The following ATXN1 variants were observed in gnomAD, a reference collection of about 807,000 sequenced individuals.
ATXN1 encodes the protein ataxin 1, also known as ataxin-1.
ATXN1 carries 8 observed loss-of-function variants against 56.4 expected under a neutral mutation model. The ratio of observed to expected loss-of-function variants is 0.14; its 90% CI spans 0.08 to 0.26. The LOEUF (loss-of-function observed/expected upper bound fraction) is 0.26. Among genes scored for constraint, ATXN1 ranks in the 10% least tolerant of loss-of-function variants. ATXN1 has a pLI of 1.00. For synonymous variants in ATXN1, 514 were observed against 494.6 expected, an observed-to-expected ratio of 1.04 and a Z score of -0.52; for missense variants, 987 against 1,106.5, an observed-to-expected ratio of 0.89 and a Z score of 1.53.
intron 6 of ATXN1, among the ~76,000 whole-genome samples, chr6:16,439,161 T>G (rs1759451323): frequency 6.6e-6 from 1 of 151,886 alleles, no homozygotes; most frequent in Non-Finnish European, 1.5e-5. Flanking sequence ...TGTTCCATGT[T>G]ATGAAGGGCC....
intron 4 of ATXN1, among the ~76,000 whole-genome samples, chr6:16,576,893 A>T (rs1351371628): frequency 6.6e-6 from 1 of 152,184 alleles, no homozygotes; most frequent in Non-Finnish European, 1.5e-5. Flanking sequence ...TTTTGCTTTT[A>T]TAGGAGATTG....
At chr6:16,613,160 G>A (rs1347085179) in intron 3 of ATXN1, among the ~76,000 whole-genome samples, 2 of 149,280 alleles carry the variant, frequency 1.3e-5, no homozygotes, top group Admixed American at 1.3e-4. Flanking sequence ...AGCCACTCGG[G>A]AGGCTGAGGC....
At chr6:16,496,285 C>T (rs780699490) in intron 5 of ATXN1, among the ~76,000 whole-genome samples, 3 of 152,202 alleles carry the variant, frequency 2.0e-5, no homozygotes, top group Non-Finnish European at 2.9e-5. Flanking sequence ...ACTGTGAATA[C>T]CATGTAGCAG....
At chr6:16,537,206 C>T (rs1229252553) in intron 4 of ATXN1, among the ~76,000 whole-genome samples, 1 of 152,012 alleles carries the variant, frequency 6.6e-6, no homozygotes, top group Non-Finnish European at 1.5e-5. Flanking sequence ...CCCTGAATTC[C>T]GATGCTTGAC....
chr6:16,363,342 C>G (rs1036761586), intron 6 of ATXN1, among the ~76,000 whole-genome samples: 1 of 152,178 alleles, frequency 6.6e-6, no homozygotes, highest in African/African-American at 2.4e-5. Context: ...CATGATGTGC[C>G]ATATGCTAAT....
intron 4 of ATXN1, among the ~76,000 whole-genome samples, chr6:16,559,858 A>T (rs1762083262): frequency 8.7e-6 from 1 of 115,246 alleles, no homozygotes; most frequent in Non-Finnish European, 1.9e-5. Flanking sequence ...TATGTTTAAT[A>T]AAAAAAAAAT....
In ATXN1 at chr6:16,310,010, T is replaced by C. The variant is rs551793068; in HGVS notation, c.1918-3151A>G. Among the ~76,000 whole-genome samples, 11 of 151,774 alleles carry C rather than the reference T, an allele frequency of 7.2e-5. No individual in the cohort carries two copies. The East Asian group carries it at 2.1e-3, about 30-fold the overall frequency. On this transcript the variant is annotated intron_variant, in intron 7 of 7. Transcript: ENST00000436367. ...GATCGTTGCAGTGAGCCAAGATCGT[T>C]GCAGTGAGCCAAGATCATTCCATCA...
chr6:16,600,677 C>T (rs188686235), intron 3 of ATXN1, among the ~76,000 whole-genome samples: 7 of 152,278 alleles, frequency 4.6e-5, no homozygotes, highest in African/African-American at 1.7e-4. Flanking sequence ...TATTTTATGT[C>T]TGTATAGTGT....
intron 6 of ATXN1, among the ~76,000 whole-genome samples, chr6:16,419,524 T>C (rs572263364): frequency 6.6e-6 from 1 of 152,266 alleles, no homozygotes; most frequent in East Asian, 1.9e-4. Flanking sequence ...GATACAACCA[T>C]GGAGTACTTT....
intron 6 of ATXN1, chr6:16,485,167 T>C (rs534703402): frequency 1.3e-5 from 2 of 152,292 alleles, no homozygotes; most frequent in East Asian, 3.9e-4. Flanking sequence ...CTGGGTTTCA[T>C]GTAGCTATTT....
chr6:16,319,133 G>A (rs953052357), intron 7 of ATXN1, among the ~76,000 whole-genome samples: 2 of 151,864 alleles, frequency 1.3e-5, no homozygotes, highest in African/African-American at 4.8e-5. Context: ...TGGGAGGATT[G>A]CTTGAGCCTA....
At chr6:16,674,016 G>C (rs966527490) in intron 2 of ATXN1, among the ~76,000 whole-genome samples, 1 of 152,052 alleles carries the variant, frequency 6.6e-6, no homozygotes, top group South Asian at 2.1e-4. Flanking sequence ...CTCTCCATCA[G>C]TTCCCTCCCA....
chr6:16,532,823 C>T (rs773879374), intron 4 of ATXN1, among the ~76,000 whole-genome samples: 12 of 152,060 alleles, frequency 7.9e-5, no homozygotes, highest in Non-Finnish European at 1.6e-4. Flanking sequence ...TGAAAAATAC[C>T]ATGATGGTTC....
intron 2 of ATXN1, among the ~76,000 whole-genome samples, chr6:16,730,487 G>GTATGTGTA (rs1554128995): frequency 0.011 from 1,494 of 132,062 alleles, 34 homozygotes; most frequent in Non-Finnish European, 0.018. Context: ...AAAACAGTAT[G>GTATGTGTA]TATATATATA....
intron 6 of ATXN1, among the ~76,000 whole-genome samples, chr6:16,455,985 C>T (rs1002086038): frequency 6.6e-6 from 1 of 152,164 alleles, no homozygotes; most frequent in Non-Finnish European, 1.5e-5. Flanking sequence ...AAAAATGGCA[C>T]TCTGATAGGA....
intron 3 of ATXN1, among the ~76,000 whole-genome samples, chr6:16,586,470 T>C (rs1665836126): frequency 6.6e-6 from 1 of 152,204 alleles, no homozygotes; most frequent in African/African-American, 2.4e-5. Flanking sequence ...TCACGAACAT[T>C]GATTAAACAT....
At chr6:16,612,659 C>G (rs115031085) in intron 3 of ATXN1, among the ~76,000 whole-genome samples, 4,643 of 151,980 alleles carry the variant, frequency 0.031, 83 homozygotes, top group South Asian at 0.077. Context: ...TTTGGGAGGT[C>G]GGGCAGGCAG....
At chr6:16,647,481 G>A (rs1763820324) in intron 3 of ATXN1, among the ~76,000 whole-genome samples, 1 of 152,112 alleles carries the variant, frequency 6.6e-6, no homozygotes, top group African/African-American at 2.4e-5. Context: ...ACTATTTATT[G>A]TGAACTACCT....
chr6:16,378,572 T>C lies in ATXN1; in HGVS notation c.-160-50102A>G, dbSNP rs184883140. Among the ~76,000 whole-genome samples, 15 of 147,848 alleles carry C rather than the reference T, an allele frequency of 1.0e-4. 1 individual carries two copies. Among genetic ancestry groups the C allele is most frequent in the African/African-American group, 3.8e-4 (15 of 39,664 alleles). ...TTATTTATTTATTTATTTATTTATTTATTTAGAGACAGGGTCTCACTCTGT... is the reference window on the plus strand; with the variant it reads ...TTATTTATTTATTTATTTATTTATTCATTTAGAGACAGGGTCTCACTCTGT... On this transcript the variant is annotated intron_variant, in intron 6 of 7. Transcript: ENST00000436367.
Sources: gnomAD v4.1 joint callset for allele counts (sites outside exome capture counted in the v4.1 genomes callset) on GRCh38, gnomAD v4.1.1 for gene constraint, MANE v1.5 for transcripts, NCBI Gene and HGNC (gene_info 2026-07-23, HGNC 2026-07-21) for gene names.